The following XKR9 variants were observed in gnomAD, a reference collection of about 807,000 sequenced individuals.
The protein encoded by XKR9 is XK-related protein 9.
A neutral mutation model predicts 32.0 loss-of-function variants in XKR9; 32 were observed. The observed-to-expected ratio is 1.00, with a 90% CI of 0.76 to 1.34. The LOEUF is 1.34. XKR9 is among the 40% of genes most tolerant of loss of function. The pLI, the probability that XKR9 is intolerant of heterozygous loss-of-function variation, is 0.00. For synonymous variants in XKR9, 168 were observed against 143.4 expected (o/e 1.17, Z -1.22); for missense variants, 546 against 429.7 (o/e 1.27, Z -2.39).
At chr8:70,700,949 A>G (rs1363740475) in intron 3 of XKR9, among the ~76,000 whole-genome samples, 1 of 152,174 alleles carries the variant, frequency 6.6e-6, no homozygotes, top group Non-Finnish European at 1.5e-5. Flanking sequence ...CTGCTGTGCT[A>G]GCAATCAGCG....
the XKR9 span, among the ~76,000 whole-genome samples, chr8:70,871,259 A>T: frequency 6.6e-6 from 1 of 152,198 alleles, no homozygotes; most frequent in African/African-American, 2.4e-5. Flanking sequence ...TAAAGAGATA[A>T]CTAATCATAA....
the XKR9 span, among the ~76,000 whole-genome samples, chr8:70,979,886 G>A: frequency 3.3e-5 from 5 of 152,208 alleles, no homozygotes; most frequent in East Asian, 1.9e-4. Context: ...AAAGGCAGGC[G>A]GGCCTCCTTG....
At chr8:70,867,669 C>A in the XKR9 span, among the ~76,000 whole-genome samples, 1 of 152,116 alleles carries the variant, frequency 6.6e-6, no homozygotes, top group African/African-American at 2.4e-5. Context: ...CCAGGCCGGT[C>A]TCAAATTTCC....
intron 2 of XKR9, among the ~76,000 whole-genome samples, chr8:70,763,915 T>C (rs1435276327): frequency 4.6e-5 from 7 of 152,238 alleles, no homozygotes; most frequent in Non-Finnish European, 1.0e-4. Context: ...CTGCAAATGA[T>C]ATAATTCCTG....
At chr8:71,005,253 G>A in the XKR9 span, among the ~76,000 whole-genome samples, 4 of 122,730 alleles carry the variant, frequency 3.3e-5, no homozygotes, top group East Asian at 2.2e-4. Context: ...ACTGAGTTTC[G>A]CTCTTCGTGC....
At chr8:70,733,543 A>C (rs553768560) in intron 4 of XKR9, among the ~76,000 whole-genome samples, 1 of 152,208 alleles carries the variant, frequency 6.6e-6, no homozygotes, top group East Asian at 1.9e-4. Flanking sequence ...GGATAAATCT[A>C]TCCACTTTGG....
chr8:70,882,580 T>A, the XKR9 span, among the ~76,000 whole-genome samples: 1 of 152,056 alleles, frequency 6.6e-6, no homozygotes, highest in Non-Finnish European at 1.5e-5. Flanking sequence ...TATAAGAATA[T>A]ACTTTTAAAA....
intron 3 of XKR9, among the ~76,000 whole-genome samples, chr8:70,683,326 G>A (rs1819148652): frequency 6.6e-6 from 1 of 151,874 alleles, no homozygotes; most frequent in Non-Finnish European, 1.5e-5. Flanking sequence ...TATTTATATT[G>A]TTGTCATTTT....
the XKR9 span, among the ~76,000 whole-genome samples, chr8:70,869,973 A>G: frequency 6.6e-6 from 1 of 152,124 alleles, no homozygotes; most frequent in African/African-American, 2.4e-5. Context: ...TCCTCTTTCT[A>G]TTGCAGTGTC....
the XKR9 span, among the ~76,000 whole-genome samples, chr8:70,830,394 A>G: frequency 3.8e-4 from 57 of 151,626 alleles, no homozygotes; most frequent in African/African-American, 1.2e-3. Context: ...CTGCCTGGTC[A>G]GCATGGCAAA....
chr8:70,754,586 C>T (rs1392668752), intron 2 of XKR9, among the ~76,000 whole-genome samples: 1 of 150,974 alleles, frequency 6.6e-6, no homozygotes, highest in Non-Finnish European at 1.5e-5. Context: ...TGGAACAGAA[C>T]AGAGCCCTCA....
At chr8:70,672,322 C>T in intron 1 of XKR9, among the ~76,000 whole-genome samples, 1 of 58,624 alleles carries the variant, frequency 1.7e-5, no homozygotes, top group Non-Finnish European at 6.0e-5. Flanking sequence ...TCAAACTATA[C>T]TACAAGGCTA....
the XKR9 span, among the ~76,000 whole-genome samples, chr8:71,037,698 G>A: frequency 5.7e-4 from 87 of 152,202 alleles, no homozygotes; most frequent in Non-Finnish European, 1.1e-3. Context: ...TAAAATGAAT[G>A]ACGAAGTTAA....
rs13439151 is a variant in XKR9 at position 70,750,848 on chromosome 8, C to T, written n.353-38491C>T. On this transcript the variant is annotated intron_variant and non_coding_transcript_variant, in intron 2 of 3. Transcript: ENST00000520273. ...TGTCAATTTGGCTGGGCCATGATGC[C>T]CAGGTAAGTGGTCAAAAATGTTGTA... Among the ~76,000 whole-genome samples the T allele has an allele frequency of 6.1e-3, 926 of 152,122 alleles. 10 individuals carry two copies. The highest frequency in any genetic ancestry group is 0.021 in the African/African-American group (883 of 41,480).
At chr8:70,885,215 G>T in the XKR9 span, among the ~76,000 whole-genome samples, 5 of 151,656 alleles carry the variant, frequency 3.3e-5, no homozygotes, top group Admixed American at 6.6e-5. Flanking sequence ...ATTGACTTTT[G>T]TATCTTGACC....
At chr8:70,695,831 C>T (rs1258513376) in intron 3 of XKR9, among the ~76,000 whole-genome samples, 4 of 147,826 alleles carry the variant, frequency 2.7e-5, no homozygotes, top group Admixed American at 6.8e-5. Flanking sequence ...ACATCCTCTC[C>T]AGCACCTGTT....
At chr8:70,902,046 G>A in the XKR9 span, among the ~76,000 whole-genome samples, 3 of 152,124 alleles carry the variant, frequency 2.0e-5, no homozygotes, top group African/African-American at 7.2e-5. Flanking sequence ...TGCTGTTTTG[G>A]TTACTGTAGC....
At position 70,696,599 on chromosome 8, in the gene XKR9, T is replaced by C. The variant is rs879515002; in HGVS notation, c.273-10334T>C. 4.7e-3 allele frequency among the ~76,000 whole-genome samples: 689 copies of C among 148,020 alleles called. 2 individuals carry two copies. The highest frequency in any genetic ancestry group is 0.024 in the Middle Eastern group (7 of 286). ...TGGTTACTGTAGCCTTGTAGTATAG[T>C]TTGAAGTCAGGTAGCGTGATGCCTC... On this transcript the variant is annotated intron_variant, in intron 3 of 4. Transcript: ENST00000408926.
At chr8:70,703,887 A>G (rs1376030831) in intron 3 of XKR9, among the ~76,000 whole-genome samples, 2 of 152,174 alleles carry the variant, frequency 1.3e-5, no homozygotes, top group Admixed American at 1.3e-4. Context: ...CATTTGTTTC[A>G]TAAAAGTGAA....
Sources: gnomAD v4.1 joint callset for allele counts (sites outside exome capture counted in the v4.1 genomes callset) on GRCh38, gnomAD v4.1.1 for gene constraint, MANE v1.5 for transcripts, NCBI Gene and HGNC (gene_info 2026-07-23, HGNC 2026-07-21) for gene names.